Variants in HYAL4 observed in about 807,000 individuals in gnomAD.
The protein encoded by HYAL4 is hyaluronidase 4.
A neutral mutation model predicts 35.2 loss-of-function variants in HYAL4; 37 were observed. The ratio of observed to expected loss-of-function variants is 1.05; its 90% confidence interval spans 0.81 to 1.38. The LOEUF (loss-of-function observed/expected upper bound fraction) is 1.38, where lower values mean the gene tolerates loss of function less well. HYAL4 is among the 40% of genes most tolerant of loss of function. The pLI is 0.00. For synonymous variants in HYAL4, 198 were observed against 203.2 expected, an observed-to-expected ratio of 0.97 and a Z score of 0.22; for missense variants, 572 against 572.4, an observed-to-expected ratio of 1.00 and a Z score of 0.01.
At chr7:123,836,385 A>G (rs1034537890) in intron 1 of HYAL4, among the ~76,000 whole-genome samples, 3 of 152,150 alleles carry the variant, frequency 2.0e-5, no homozygotes, top group Admixed American at 6.5e-5. Context: ...TTTGTCTGAT[A>G]TAAGGATAGC....
the HYAL4 span, among the ~76,000 whole-genome samples, chr7:123,807,647 G>C: frequency 1.3e-5 from 2 of 151,478 alleles, no homozygotes; most frequent in African/African-American, 4.8e-5. Context: ...CACCATGTTG[G>C]TTAGGCTGGT....
chr7:123,813,399 G>T, the HYAL4 span, among the ~76,000 whole-genome samples: 1 of 152,084 alleles, frequency 6.6e-6, no homozygotes, highest in African/African-American at 2.4e-5. Flanking sequence ...AAAGAGACAA[G>T]TTTTATTTAG....
chr7:123,821,706 G>C, the HYAL4 span, among the ~76,000 whole-genome samples: 1 of 152,106 alleles, frequency 6.6e-6, no homozygotes, highest in African/African-American at 2.4e-5. Flanking sequence ...TCATGTCTAA[G>C]GAATAATTTC....
chr7:123,860,513 T>A (rs1806554634), intron 2 of HYAL4, among the ~76,000 whole-genome samples: 2 of 152,230 alleles, frequency 1.3e-5, no homozygotes, highest in African/African-American at 2.4e-5. Flanking sequence ...AACAAATACA[T>A]ATTTTAAAGA....
At chr7:123,812,355 A>C in the HYAL4 span, among the ~76,000 whole-genome samples, 2 of 148,288 alleles carry the variant, frequency 1.3e-5, no homozygotes. Context: ...AGAAAAAATA[A>C]AATCTCAGCA....
the HYAL4 span, among the ~76,000 whole-genome samples, chr7:123,799,231 T>G: frequency 2.0e-3 from 306 of 152,268 alleles, 1 homozygote; most frequent in African/African-American, 6.9e-3. Context: ...CTTCTCCTTA[T>G]GTAAAGACAT....
the HYAL4 span, among the ~76,000 whole-genome samples, chr7:123,763,742 A>T: frequency 1.3e-5 from 2 of 152,176 alleles, no homozygotes; most frequent in African/African-American, 2.4e-5. Context: ...TCAATGTAAG[A>T]TTTGAGTTCC....
At chr7:123,793,886 G>T in the HYAL4 span, among the ~76,000 whole-genome samples, 1 of 152,214 alleles carries the variant, frequency 6.6e-6, no homozygotes, top group East Asian at 1.9e-4. Context: ...ACAGGCAGAG[G>T]TTGGAACCAT....
At chr7:123,812,182 C>T in the HYAL4 span, among the ~76,000 whole-genome samples, 2 of 152,216 alleles carry the variant, frequency 1.3e-5, no homozygotes, top group African/African-American at 2.4e-5. Flanking sequence ...ATGTTGCTTT[C>T]CCCACTGCTT....
intron 2 of HYAL4, among the ~76,000 whole-genome samples, chr7:123,866,443 C>T (rs1806688325): frequency 6.6e-6 from 1 of 152,130 alleles, no homozygotes; most frequent in South Asian, 2.1e-4. Context: ...AAGGCTGGGA[C>T]ATTTTGGCTT....
chr7:123,849,860 C>T lies in HYAL4; in HGVS notation c.-52+1702C>T, dbSNP rs544150096. 3.3e-5 allele frequency among the ~76,000 whole-genome samples: 5 copies of T among 152,260 alleles called. No individual in the cohort carries two copies. The South Asian group carries it at 1.0e-3, about 32-fold the overall frequency. On this transcript the variant is annotated intron_variant, in intron 2 of 4. Coordinates refer to ENST00000223026, the MANE Select transcript of HYAL4 (RefSeq NM_012269.3). ...CCAGCCTGAACGATGGAGCCAGACT[C>T]TCTCACAAATAACAAAAAACTTGAT...
chr7:123,827,149 T>C (rs1805811561), upstream of HYAL4, among the ~76,000 whole-genome samples: 1 of 152,080 alleles, frequency 6.6e-6, no homozygotes, highest in Non-Finnish European at 1.5e-5. Context: ...AGTGAAATAG[T>C]ACAGCTATAG....
intron 4 of HYAL4, 61 bp from the exon 5 acceptor site, chr7:123,876,693 T>C (rs1807033922): frequency 1.3e-6 from 2 of 1,529,618 alleles, no homozygotes; most frequent in Non-Finnish European, 1.8e-6. Flanking sequence ...CTAAAATCGA[T>C]TTCTTTGTAC....
At chr7:123,812,178 C>T in the HYAL4 span, among the ~76,000 whole-genome samples, 77 of 152,166 alleles carry the variant, frequency 5.1e-4, no homozygotes, top group Non-Finnish European at 1.0e-3. Context: ...AATTATGTTG[C>T]TTTCCCCACT....
chr7:123,802,102 G>A, the HYAL4 span, among the ~76,000 whole-genome samples: 53,134 of 152,016 alleles, frequency 0.35, 9,621 homozygotes, highest in Middle Eastern at 0.43. Flanking sequence ...CTCCAAGTAT[G>A]ACTGTTGCCA....
At chr7:123,869,737 G>C (rs998819575) in intron 3 of HYAL4, among the ~76,000 whole-genome samples, 1 of 151,690 alleles carries the variant, frequency 6.6e-6, no homozygotes, top group Non-Finnish European at 1.5e-5. Flanking sequence ...ACCTAGGCTG[G>C]AGTGTAATGA....
rs1158527068 is a variant in HYAL4 at position 123,845,423 on chromosome 7, G to C, written c.-384G>C. On this transcript the variant is annotated 5_prime_UTR_variant, in exon 1 of 5. The change abolishes an upstream ATG in the 5' untranslated region. Transcript: ENST00000223026. ...GGGGTTTCACCATATTGGCCAGAATGGTTTTGCATTCCTGACCTCAAGTGA... is the reference window on the plus strand; with the variant it reads ...GGGGTTTCACCATATTGGCCAGAATCGTTTTGCATTCCTGACCTCAAGTGA... 1 of 151,698 alleles carries C rather than the reference G, an allele frequency of 6.6e-6. No homozygotes were observed. The highest frequency in any genetic ancestry group is 2.4e-5 in the African/African-American group (1 of 41,300). 9.4% of individuals were successfully genotyped at this position (151,698 alleles called of 1,614,324 possible). A position where few individuals can be genotyped will look rare whatever the true frequency, so the allele number is the denominator to read the frequency against.
At chr7:123,780,616 A>G in the HYAL4 span, among the ~76,000 whole-genome samples, 1 of 152,308 alleles carries the variant, frequency 6.6e-6, no homozygotes, top group South Asian at 2.1e-4. Context: ...TCCCTCCAAT[A>G]TGGTTGCCAC....
chr7:123,843,529 T>A (rs1269943685), upstream of HYAL4, among the ~76,000 whole-genome samples: 2 of 152,008 alleles, frequency 1.3e-5, no homozygotes, highest in East Asian at 3.9e-4. Context: ...ATTTCCTGAA[T>A]TTGAATGTTG....
Sources: allele counts gnomAD v4.1 joint callset (sites outside exome capture counted in the v4.1 genomes callset), GRCh38; gene constraint gnomAD v4.1.1; transcripts MANE v1.5; gene names NCBI Gene and HGNC (gene_info 2026-07-23, HGNC 2026-07-21).